Variants in CTNNA3 observed in about 807,000 individuals in gnomAD.
The protein encoded by CTNNA3 is catenin alpha-3.
In CTNNA3, 76 loss-of-function variants were observed where a neutral mutation model predicts 95.7. That is an observed-to-expected ratio of 0.79 (90% CI 0.66 to 0.96). The LOEUF (loss-of-function observed/expected upper bound fraction) is 0.96. Among genes scored for constraint, CTNNA3 ranks in the 40% least tolerant of loss-of-function variants. The pLI is 0.00. For missense variants in CTNNA3, 1,191 were observed against 1,089.8 expected (o/e 1.09, Z -1.31); for synonymous variants, 431 against 374.4 (o/e 1.15, Z -1.74).
At chr10:65,962,335 T>C (rs950611980) in intron 17 of CTNNA3, among the ~76,000 whole-genome samples, 3 of 152,162 alleles carry the variant, frequency 2.0e-5, no homozygotes, top group African/African-American at 7.2e-5. Flanking sequence ...GTCTTCCTTC[T>C]ATATACACTG....
chr10:66,669,862 G>A (rs993936593), intron 9 of CTNNA3, among the ~76,000 whole-genome samples: 37 of 152,158 alleles, frequency 2.4e-4, no homozygotes, highest in African/African-American at 8.9e-4. Context: ...ACAGCCCTGA[G>A]AGGTACAGAA....
At chr10:66,216,564 T>C (rs763356318) in intron 13 of CTNNA3, among the ~76,000 whole-genome samples, 2 of 152,214 alleles carry the variant, frequency 1.3e-5, no homozygotes, top group Admixed American at 6.5e-5. Flanking sequence ...CCAAGCATCA[T>C]AACAAATTAA....
intron 7 of CTNNA3, among the ~76,000 whole-genome samples, chr10:67,038,596 T>A (rs1176058679): frequency 6.6e-6 from 1 of 152,122 alleles, no homozygotes; most frequent in African/African-American, 2.4e-5. Flanking sequence ...ACATTAAATG[T>A]GCATAATAGC....
At chr10:67,661,691 A>G (rs1840194657) in intron 1 of CTNNA3, among the ~76,000 whole-genome samples, 1 of 152,214 alleles carries the variant, frequency 6.6e-6, no homozygotes, top group Non-Finnish European at 1.5e-5. Flanking sequence ...TAATTAAATG[A>G]AAAACAACTC....
chr10:66,687,512 T>C (rs1847341803), intron 9 of CTNNA3, among the ~76,000 whole-genome samples: 1 of 152,146 alleles, frequency 6.6e-6, no homozygotes, highest in Admixed American at 6.5e-5. Flanking sequence ...ATATACCTTA[T>C]ACTACTAAGT....
upstream of CTNNA3, among the ~76,000 whole-genome samples, chr10:67,698,202 C>A (rs1841003501): frequency 1.3e-5 from 2 of 151,650 alleles, no homozygotes; most frequent in African/African-American, 4.9e-5. Flanking sequence ...TCACATGCCT[C>A]TTGCAAGCAA....
At chr10:67,719,690 T>C (rs1841166599) in intron 1 of CTNNA3, among the ~76,000 whole-genome samples, 1 of 152,198 alleles carries the variant, frequency 6.6e-6, no homozygotes, top group Non-Finnish European at 1.5e-5. Flanking sequence ...TCCATTCTTT[T>C]GCATTTGCTG....
intron 5 of CTNNA3, among the ~76,000 whole-genome samples, chr10:67,389,652 C>G (rs1290879518): frequency 1.4e-4 from 19 of 138,636 alleles, no homozygotes; most frequent in East Asian, 2.2e-4. Context: ...TGACCACATA[C>G]TTGGAAGTAA....
intron 14 of CTNNA3, among the ~76,000 whole-genome samples, chr10:66,092,285 T>G (rs2081241533): frequency 2.0e-5 from 3 of 151,986 alleles, no homozygotes; most frequent in African/African-American, 7.2e-5. Flanking sequence ...TCTTCCTGAA[T>G]CACTTCTCAG....
intron 9 of CTNNA3, among the ~76,000 whole-genome samples, chr10:66,685,279 A>C (rs1847228590): frequency 1.9e-5 from 1 of 52,908 alleles, no homozygotes; most frequent in Non-Finnish European, 3.5e-5. Flanking sequence ...ATATACGTAT[A>C]TATAAGTATA....
intron 6 of CTNNA3, among the ~76,000 whole-genome samples, chr10:67,193,913 A>G (rs1198005803): frequency 6.6e-6 from 1 of 152,052 alleles, no homozygotes; most frequent in Non-Finnish European, 1.5e-5. Context: ...TGGTTGAACT[A>G]ATTTAGGCTC....
intron 15 of CTNNA3, among the ~76,000 whole-genome samples, chr10:66,046,179 C>A (rs192198988): frequency 2.0e-5 from 3 of 152,128 alleles, no homozygotes; most frequent in East Asian, 1.9e-4. Flanking sequence ...GAACCTCCCC[C>A]ACCCAGAGAA....
intron 11 of CTNNA3, among the ~76,000 whole-genome samples, chr10:66,475,747 G>A (rs1455671431): frequency 6.6e-6 from 1 of 152,032 alleles, no homozygotes; most frequent in African/African-American, 2.4e-5. Context: ...AGATAGTAAT[G>A]CTTTTACACA....
intron 6 of CTNNA3, among the ~76,000 whole-genome samples, chr10:67,216,288 TAA>T (rs917589963): frequency 6.6e-6 from 1 of 152,106 alleles, no homozygotes; most frequent in African/African-American, 2.4e-5. Flanking sequence ...AGAATATATA[TAA>T]AGTTTTTTCT....
At chr10:66,780,695 AT>A (rs1157813238) in intron 7 of CTNNA3, among the ~76,000 whole-genome samples, 1 of 152,228 alleles carries the variant, frequency 6.6e-6, no homozygotes, top group Non-Finnish European at 1.5e-5. Context: ...AAATATAAAA[AT>A]ATCTTACATA....
Position 66,900,087 on chromosome 10 carries a change from C to A in CTNNA3, c.1048-124563G>T, listed in dbSNP as rs910886640. ...TCTGTGTAGCCTGACTGGGAGGCAC[C>A]TCCCAGTAGGGGCCGACAGACAACT... is the stretch of plus-strand genomic sequence containing the variant. On this transcript the variant is annotated intron_variant, in intron 7 of 17. Coordinates refer to ENST00000433211, the MANE Select transcript of CTNNA3 (RefSeq NM_013266.4). Among the ~76,000 whole-genome samples the A allele has an allele frequency of 5.9e-5, 9 of 152,266 alleles. No homozygotes were observed. The South Asian group carries it at 6.2e-4, about 11-fold the overall frequency.
chr10:66,210,969 A>G (rs1308417115), intron 13 of CTNNA3, among the ~76,000 whole-genome samples: 1 of 152,232 alleles, frequency 6.6e-6, no homozygotes, highest in Non-Finnish European at 1.5e-5. Flanking sequence ...AACACTTCCC[A>G]TAAACAGAGA....
chr10:66,865,213 C>CGTGTGTGTGTGCGT (rs1844123839), intron 7 of CTNNA3, among the ~76,000 whole-genome samples: 1 of 143,826 alleles, frequency 7.0e-6, no homozygotes, highest in African/African-American at 2.6e-5. Context: ...TGTGTGTGTG[C>CGTGTGTGTGTGCGT]GTGTGTGTGT....
At chr10:67,467,269 T>G (rs1388353568) in intron 5 of CTNNA3, among the ~76,000 whole-genome samples, 1 of 152,206 alleles carries the variant, frequency 6.6e-6, no homozygotes. Flanking sequence ...GCTAGTTAAG[T>G]TTTTGACTAC....
Sources: gnomAD v4.1 joint callset for allele counts (sites outside exome capture counted in the v4.1 genomes callset) on GRCh38, gnomAD v4.1.1 for gene constraint, MANE v1.5 for transcripts, NCBI Gene and HGNC (gene_info 2026-07-23, HGNC 2026-07-21) for gene names.